Variants in CAD observed in about 807,000 individuals in gnomAD.
CAD encodes multifunctional protein CAD.
A neutral mutation model predicts 237.2 loss-of-function variants in CAD; 81 were observed. That is an observed-to-expected ratio of 0.34 (90% CI 0.29 to 0.41). CAD has a LOEUF of 0.41. Ranked by LOEUF, CAD falls within the 10% of genes least tolerant of loss-of-function variation. The pLI, the probability that CAD is intolerant of heterozygous loss-of-function variation, is 1.00. For missense variants in CAD, 2,181 were observed against 2,951.7 expected (o/e 0.74, Z 6.05); for synonymous variants, 1,196 against 1,162.8 (o/e 1.03, Z -0.58).
chr2:27,238,916 G>C, intron 31 of CAD, 126 bp from the exon 32 acceptor site: 1 of 970,662 alleles, frequency 1.0e-6, no homozygotes, highest in South Asian at 1.7e-5. Context: ...CTAGTTCCCA[G>C]AAAAAATGAG....
chr2:27,222,682 A>G, intron 5 of CAD, 22 bp downstream of exon 5: 1 of 1,606,230 alleles, frequency 6.2e-7, no homozygotes, highest in South Asian at 1.1e-5. Flanking sequence ...GGGCCTGTTC[A>G]GGGCCTCAGA....
chr2:27,223,308 G>A (rs531678798), intron 6 of CAD, among the ~76,000 whole-genome samples: 57 of 152,246 alleles, frequency 3.7e-4, no homozygotes, highest in South Asian at 8.3e-4. Flanking sequence ...GCGTGCGCCT[G>A]TAATCCCAGC....
At chr2:27,231,647 T>C in intron 16 of CAD, 67 bp downstream of exon 16, 1 of 959,284 alleles carries the variant, frequency 1.0e-6, no homozygotes, top group Non-Finnish European at 1.7e-6. Flanking sequence ...CCCCAGACCA[T>C]GAGCTTGTTA....
In CAD at chr2:27,237,694, C is replaced by T. The variant is rs778706952; in HGVS notation, c.4564-24C>T. The T allele has an allele frequency of 3.7e-6, 6 of 1,604,880 alleles. No individual in the cohort carries two copies. The African/African-American group carries it at 5.3e-5, about 14-fold the overall frequency. ...TGTGTGGGCATGGGTGCCAGTGAGC[C>T]TTACCTCTGTGTATCCTCTCCAGCT... On this transcript the variant is annotated intron_variant, in intron 28 of 43. Transcript: ENST00000264705. The surrounding 1 kb of genome is among the most constrained non-coding windows in gnomAD (Gnocchi z 4.0).
rs761503191 is a variant in CAD, at chr2:27,232,080, G to T, written c.2501G>T (p.Arg834Leu). 1.9e-6 allele frequency: 3 copies of T among 1,614,228 alleles called. No homozygotes were observed. Among genetic ancestry groups the T allele is most frequent in the Non-Finnish European group, 2.5e-6 (3 of 1,180,048 alleles). ...DRLYELTRID[R>L]WFLHRMKRII... The stretch of plus-strand genomic sequence containing the variant: ...CTGTATGAGCTCACACGCATCGACC[G>T]CTGGTTCCTGCACCGAATGAAGCGT... Residue 834 changes from arginine (R) to leucine (L), a missense_variant, in exon 17 of 44, where the codon CGC becomes CTC. By Grantham distance (102) the Arg-to-Leu change is moderately radical. Transcript: ENST00000264705. The surrounding 1 kb of genome is among the most constrained non-coding windows in gnomAD (Gnocchi z 4.1).
In CAD at chr2:27,217,384, C is replaced by G. The variant is rs989525537; in HGVS notation, c.-168C>G. ...GCGCCGCCGCAGTCTCTGCTGCTGC[C>G]GCCAAGCGCGCCCGAGGCTCCTACG... On this transcript the variant is annotated 5_prime_UTR_variant, in exon 1 of 44. Coordinates refer to ENST00000264705, the MANE Select transcript of CAD (RefSeq NM_004341.5). 1.9e-5 allele frequency: 12 copies of G among 638,028 alleles called. No individual in the cohort carries two copies. Among genetic ancestry groups the G allele is most frequent in the Non-Finnish European group, 3.1e-5 (11 of 358,080 alleles). The allele number at this position is 638,028 out of a possible 1,614,324, so 39.5% of individuals were successfully genotyped here. A position where few individuals can be genotyped will look rare whatever the true frequency, so the allele number is the denominator to read the frequency against.
intron 31 of CAD, 61 bp from the exon 32 acceptor site, chr2:27,238,981 T>C (rs1676160688): frequency 6.9e-7 from 1 of 1,456,514 alleles, no homozygotes; most frequent in Non-Finnish European, 9.3e-7. Context: ...TCCTGGGGTG[T>C]GAGTGACTTC....
At chr2:27,229,026 C>G (rs1221844568) in intron 15 of CAD, among the ~76,000 whole-genome samples, 1 of 148,944 alleles carries the variant, frequency 6.7e-6, no homozygotes, top group Non-Finnish European at 1.5e-5. Context: ...TCAAGCGATT[C>G]ACCTGCCTCA....
chr2:27,222,297 C>A lies in CAD; in HGVS notation c.456C>A (p.Asp152Glu), dbSNP rs745620112. Residue 152 changes from aspartate (D) to glutamate (E), a missense_variant, in exon 4 of 44, where the codon GAC becomes GAA. By Grantham distance (45) the Asp-to-Glu change is conservative. Transcript: ENST00000264705. ...GTEPSSLPFL[D>E]PNARPLVPEV... Reference sequence around the variant, plus strand: ...AACCTTCATCCCTGCCATTCTTGGACCCCAATGCCCGCCCCCTGGTACCAG... The same window carrying A: ...AACCTTCATCCCTGCCATTCTTGGAACCCAATGCCCGCCCCCTGGTACCAG... 6.2e-7 allele frequency: 1 copy of A among 1,613,290 alleles called. No homozygotes were observed. Among genetic ancestry groups the A allele is most frequent in the Admixed American group, 1.7e-5 (1 of 59,992 alleles).
intron 15 of CAD, among the ~76,000 whole-genome samples, chr2:27,229,124 T>G (rs1305628080): frequency 6.6e-6 from 1 of 151,652 alleles, no homozygotes; most frequent in African/African-American, 2.4e-5. Flanking sequence ...TTCATCATAC[T>G]GCTTAGGATG....
rs1675330825 is a variant in CAD, at chr2:27,224,408, C to A, written c.1172C>A (p.Pro391Gln). The change falls in exon 9 of 44, where the codon CCA becomes CAA. Residue 391 changes from proline to glutamine, a missense_variant. Pro to Gln is a moderately conservative substitution (Grantham distance 76). This residue lies in a region of CAD where 129 missense variants were observed against 143.3 expected (regional missense o/e 0.90). Transcript: ENST00000264705. ...ATTCCCACTCCCGGCTCTGGACTTCCACCACCACGAAAGGTTCTGATCCTG... is the reference window on the plus strand; with the variant it reads ...ATTCCCACTCCCGGCTCTGGACTTCAACCACCACGAAAGGTTCTGATCCTG... ...PGIPTPGSGL[P>Q]PPRKVLILGS... is the part of the protein sequence containing the mutation. 1.9e-6 allele frequency: 3 copies of A among 1,614,204 alleles called. No individual in the cohort carries two copies. Among genetic ancestry groups the A allele is most frequent in the Non-Finnish European group, 8.5e-7 (1 of 1,180,030 alleles).
Position 27,239,479 on chromosome 2 carries a change from A to C in CAD, c.5394+8A>C. 2 of 1,612,908 alleles carry C rather than the reference A, an allele frequency of 1.2e-6. No homozygotes were observed. The highest frequency in any genetic ancestry group is 1.7e-6 in the Non-Finnish European group (2 of 1,179,474). ...GCCTATATCGATGGGCAGGTACGCA[A>C]GTAGCCCCTGCCTGATCTCAGTAGT... is the stretch of plus-strand genomic sequence containing the variant. On this transcript the variant is annotated splice_region_variant and intron_variant, in intron 33 of 43. Coordinates refer to ENST00000264705, the MANE Select transcript of CAD (RefSeq NM_004341.5). This position sits in a 1 kb window ranked among gnomAD's most constrained non-coding sequence, Gnocchi z 4.0.
chr2:27,241,428 C>A lies in CAD; in HGVS notation c.5883+32C>A. 1 of 1,607,092 alleles carries A rather than the reference C, an allele frequency of 6.2e-7. No homozygotes were observed. Among genetic ancestry groups the A allele is most frequent in the Non-Finnish European group, 8.5e-7 (1 of 1,173,678 alleles). ...ATCAGGGCCGGGGGTAGGGTCCAGG[C>A]CATCGCCTGCCCTTGGGCCGCATCA... On this transcript the variant is annotated intron_variant, in intron 38 of 43. Transcript: ENST00000264705. This position sits in a 1 kb window ranked among gnomAD's most constrained non-coding sequence, Gnocchi z 4.6.
Position 27,236,213 on chromosome 2 carries a change from CT to C in CAD, c.4075-70del. The C allele has an allele frequency of 6.4e-7, 1 of 1,573,126 alleles. No individual in the cohort carries two copies. Among genetic ancestry groups the C allele is most frequent in the Non-Finnish European group, 8.6e-7 (1 of 1,158,452 alleles). ...TCATCATGGGCTCCTGGGCCAGCTC[CT>C]CTCCCTTAAGGCTAGCCTTCCTGAC... On this transcript the variant is annotated intron_variant, in intron 25 of 43. Transcript: ENST00000264705. This position sits in a 1 kb window ranked among gnomAD's most constrained non-coding sequence, Gnocchi z 4.1.
In CAD at chr2:27,237,463, C is replaced by T. The variant is rs368079051; in HGVS notation, c.4481C>T (p.Ala1494Val). The change falls in exon 28 of 44, where the codon GCT (alanine) becomes GTT (valine). Residue 1494 changes from alanine (A) to valine (V), a missense_variant. Ala to Val is a moderately conservative substitution (Grantham distance 64). Around this residue, in one of 12 missense-constraint regions of CAD, gnomAD observed 478 missense variants for 515.0 expected, o/e 0.93. Coordinates refer to ENST00000264705, the MANE Select transcript of CAD (RefSeq NM_004341.5). The surrounding 1 kb of genome is among the most constrained non-coding windows in gnomAD (Gnocchi z 4.0). ...DFASGTAAAL[A>V]GGITMVCAMP... is the part of the protein sequence containing the mutation. ...GCTTCAGGCACAGCCGCTGCCCTGGCTGGGGGTATCACCATGGTGTGTGCC... is the reference window on the plus strand; with the variant it reads ...GCTTCAGGCACAGCCGCTGCCCTGGTTGGGGGTATCACCATGGTGTGTGCC... 57 of 1,614,092 alleles carry T rather than the reference C, an allele frequency of 3.5e-5. No individual in the cohort carries two copies. Among genetic ancestry groups the T allele is most frequent in the Non-Finnish European group, 4.6e-5 (54 of 1,180,014 alleles).
At chr2:27,227,242 T>G (rs1318797940) in intron 15 of CAD, among the ~76,000 whole-genome samples, 1 of 152,238 alleles carries the variant, frequency 6.6e-6, no homozygotes, top group African/African-American at 2.4e-5. Context: ...AATGACCTTT[T>G]TTTTTAGTAT....
Position 27,234,177 on chromosome 2 carries a change from G to C in CAD, c.3569G>C (p.Gly1190Ala), listed in dbSNP as rs757041095. The change falls in exon 22 of 44, where the codon GGC becomes GCC. Residue 1190 changes from glycine (G) to alanine (A), a missense_variant. Physicochemically the swap from Gly to Ala is moderately conservative, Grantham distance 60. Transcript: ENST00000264705. The part of the protein sequence containing the change: ...ERIKAIVHAV[G>A]QELQVTGPFN... ...ATCAAAGCCATTGTGCATGCTGTGG[G>C]CCAGGAGCTACAGGTCACAGGACCC... 3.7e-6 allele frequency: 6 copies of C among 1,614,222 alleles called. No individual in the cohort carries two copies. The East Asian group carries it at 1.3e-4, about 36-fold the overall frequency.
Position 27,242,870 on chromosome 2 carries a change from A to G in CAD, c.6379-2A>G, listed in dbSNP as rs1676388772. The G allele has an allele frequency of 6.2e-7, 1 of 1,613,858 alleles. No individual in the cohort carries two copies. Among genetic ancestry groups the G allele is most frequent in the African/African-American group, 1.3e-5 (1 of 74,950 alleles). Reference sequence around the variant, plus strand: ...TCCACCATGGCTCTCCTCACCCTCCAGGAGGAATTCGAGAGCATTGAGGAG... The same window carrying G: ...TCCACCATGGCTCTCCTCACCCTCCGGGAGGAATTCGAGAGCATTGAGGAG... On this transcript the variant is annotated splice_acceptor_variant, in intron 41 of 43. Transcript: ENST00000264705. LOFTEE classifies it high-confidence loss of function. This position sits in a 1 kb window ranked among gnomAD's most constrained non-coding sequence, Gnocchi z 6.4.
chr2:27,222,479 A>G, intron 4 of CAD, 40 bp from the exon 5 acceptor site: 3 of 1,606,698 alleles, frequency 1.9e-6, no homozygotes, highest in Non-Finnish European at 2.6e-6. Context: ...CCCACTGAGC[A>G]CAGCTGCCAA....
Sources: gnomAD v4.1 joint callset for allele counts (sites outside exome capture counted in the v4.1 genomes callset) on GRCh38, gnomAD v4.1.1 for gene constraint, gnomAD v4.1.1 regional missense constraint, Gnocchi (gnomAD v3.1) non-coding constraint, MANE v1.5 for transcripts, NCBI Gene and HGNC (gene_info 2026-07-23, HGNC 2026-07-21) for gene names.